Variants in OSTM1 observed in about 807,000 individuals in gnomAD.
OSTM1 encodes osteoclastogenesis associated transmembrane protein 1.
In OSTM1, 26 loss-of-function variants were observed where a neutral mutation model predicts 35.4. The ratio of observed to expected loss-of-function variants is 0.73; its 90% CI spans 0.54 to 1.02. The LOEUF is 1.02. Ranked by LOEUF, OSTM1 falls within the 50% of genes least tolerant of loss-of-function variation. The pLI, the probability that OSTM1 is intolerant of heterozygous loss-of-function variation, is 0.00. For synonymous variants in OSTM1, 181 were observed against 165.0 expected (o/e 1.10, Z -0.75); for missense variants, 366 against 409.6 (o/e 0.89, Z 0.92).
chr6:108,049,685 G>C (rs1772043212), intron 4 of OSTM1: 2 of 483,996 alleles, frequency 4.1e-6, no homozygotes, highest in Non-Finnish European at 6.5e-6. Context: ...TCAACCATTT[G>C]TACATTCAAA....
chr6:108,044,911 GTAATC>G lies in OSTM1; in HGVS notation c.950-76_950-72del, dbSNP rs1239190195. 3.3e-5 allele frequency: 25 copies of G among 751,708 alleles called. No homozygotes were observed. In the African/African-American group the frequency reaches 4.0e-4, roughly 12 times the overall value. The allele number at this position is 751,708 out of a possible 1,614,324, so 46.6% of individuals were successfully genotyped here. On this transcript the variant is annotated intron_variant, in intron 5 of 5. Coordinates refer to ENST00000193322, the MANE Select transcript of OSTM1 (RefSeq NM_014028.4). Reference sequence around the variant, plus strand: ...AAACATGATTATTTACTATTTTTATGTAATCTATAGTATTTATCTATTAATTCTAT... The same window carrying G: ...AAACATGATTATTTACTATTTTTATGTATAGTATTTATCTATTAATTCTAT...
At chr6:108,058,044 C>CTTTTTT (rs761751778) in intron 2 of OSTM1, among the ~76,000 whole-genome samples, 3 of 121,562 alleles carry the variant, frequency 2.5e-5, no homozygotes, top group Admixed American at 1.8e-4. Flanking sequence ...AAGAGTCAAT[C>CTTTTTT]TTTTTTTTTT....
chr6:108,072,239 T>C (rs916623650), intron 1 of OSTM1, among the ~76,000 whole-genome samples: 2 of 152,200 alleles, frequency 1.3e-5, no homozygotes, highest in Admixed American at 6.5e-5. Flanking sequence ...ATGTCTTGGG[T>C]ACTTTATTTT....
rs1026410193 is a variant in OSTM1 at position 108,042,462 on chromosome 6, T to C, written c.*2323A>G. ...ACAAGGTCTGGCTCTGTCGCCCAGG[T>C]TGGAATGCAGTGGTACAATCTTGGC... On this transcript the variant is annotated 3_prime_UTR_variant, in exon 6 of 6. Coordinates refer to ENST00000193322, the MANE Select transcript of OSTM1 (RefSeq NM_014028.4). The C allele has an allele frequency of 2.0e-5, 3 of 148,078 alleles. No individual in the cohort carries two copies. Among genetic ancestry groups the C allele is most frequent in the African/African-American group, 7.5e-5 (3 of 39,768 alleles). 9.2% of individuals were successfully genotyped at this position (148,078 alleles called of 1,614,324 possible). A position where few individuals can be genotyped will look rare whatever the true frequency, so the allele number is the denominator to read the frequency against.
chr6:108,046,911 A>G (rs568823808), intron 5 of OSTM1, among the ~76,000 whole-genome samples: 1 of 152,270 alleles, frequency 6.6e-6, no homozygotes, highest in Non-Finnish European at 1.5e-5. Flanking sequence ...TTAAATACGA[A>G]TGAGTACATA....
chr6:108,074,371 C>T lies in OSTM1; in HGVS notation c.281G>A (p.Ser94Asn). ...CRELLLDFAN[S>N]SAELTGCLVR... Reference sequence around the variant, plus strand: ...CAGACACCCTGTCAGCTCTGCGCTGCTGTTGGCGAAGTCCAGCAGGAGCTC... The same window carrying T: ...CAGACACCCTGTCAGCTCTGCGCTGTTGTTGGCGAAGTCCAGCAGGAGCTC... Residue 94 changes from serine to asparagine, a missense_variant, in exon 1 of 6, where the codon AGC (serine) becomes AAC (asparagine). By Grantham distance (46) the Ser-to-Asn change is conservative (BLOSUM62 1). Coordinates refer to ENST00000193322, the MANE Select transcript of OSTM1 (RefSeq NM_014028.4). 1 of 1,596,538 alleles carries T rather than the reference C, an allele frequency of 6.3e-7. No individual in the cohort carries two copies. Among genetic ancestry groups the T allele is most frequent in the Non-Finnish European group, 8.5e-7 (1 of 1,171,958 alleles).
chr6:108,062,109 T>C (rs190897301), intron 2 of OSTM1, among the ~76,000 whole-genome samples: 1 of 152,228 alleles, frequency 6.6e-6, no homozygotes, highest in East Asian at 1.9e-4. Context: ...CATGATAAAG[T>C]TTAATTTATA....
intron 2 of OSTM1, among the ~76,000 whole-genome samples, chr6:108,058,732 C>G (rs1049204783): frequency 6.6e-6 from 1 of 151,828 alleles, no homozygotes; most frequent in African/African-American, 2.4e-5. Flanking sequence ...GAACTGAGAT[C>G]GCACCACTGC....
chr6:108,047,238 G>A (rs1242275035), intron 5 of OSTM1, among the ~76,000 whole-genome samples: 1 of 152,206 alleles, frequency 6.6e-6, no homozygotes, highest in African/African-American at 2.4e-5. Context: ...TTAGAGCTAA[G>A]ACCTGGCTTG....
chr6:108,054,615 AAT>A, intron 2 of OSTM1, 28 bp from the exon 3 acceptor site: 1 of 1,035,048 alleles, frequency 9.7e-7, no homozygotes, highest in Non-Finnish European at 1.5e-6. Context: ...AAAGTATATT[AAT>A]ATAACTCAAG....
intron 1 of OSTM1, among the ~76,000 whole-genome samples, chr6:108,072,338 G>A (rs1007029750): frequency 6.6e-6 from 1 of 152,018 alleles, no homozygotes; most frequent in East Asian, 1.9e-4. Context: ...TATTTACCTC[G>A]AAAATATGTC....
rs538699679 is a variant in OSTM1 at position 108,053,324 on chromosome 6, C to G, written c.615+1166G>C. Among the ~76,000 whole-genome samples, 5 of 152,192 alleles carry G rather than the reference C, an allele frequency of 3.3e-5. No homozygotes were observed. In the South Asian group the frequency reaches 1.0e-3, roughly 32 times the overall value. On this transcript the variant is annotated intron_variant, in intron 3 of 5. Transcript: ENST00000193322. ...GTAACTGAAACTGTGGAAAGTGAAG[C>G]CATATATAAAAGGGATGACTTTATA...
chr6:108,055,260 T>C (rs1772149788), intron 2 of OSTM1, among the ~76,000 whole-genome samples: 1 of 152,234 alleles, frequency 6.6e-6, no homozygotes, highest in South Asian at 2.1e-4. Context: ...ATTTTCTATG[T>C]ATGTGTATAT....
intron 2 of OSTM1, among the ~76,000 whole-genome samples, chr6:108,061,652 G>A (rs1414390474): frequency 2.0e-5 from 3 of 151,512 alleles, no homozygotes; most frequent in Non-Finnish European, 4.4e-5. Context: ...CAGCCTCCCA[G>A]GCAGCTGGGA....
chr6:108,051,115 A>T lies in OSTM1; in HGVS notation c.699T>A (p.Ser233Arg). ...TCATTTTTTGCATTTCACTGTACAG[A>T]CTACTCAGAGTTTTGTATGCTTCAC... is the stretch of plus-strand genomic sequence containing the variant. Reference protein sequence around the residue: ...NCREAYKTLSSLYSEMQKMNE... With the variant: ...NCREAYKTLSRLYSEMQKMNE... Residue 233 changes from serine to arginine, a missense_variant, in exon 4 of 6, where the codon AGT becomes AGA. Transcript: ENST00000193322. 6.2e-7 allele frequency: 1 copy of T among 1,613,496 alleles called. No homozygotes were observed. Among genetic ancestry groups the T allele is most frequent in the Non-Finnish European group, 8.5e-7 (1 of 1,179,480 alleles).
chr6:108,048,598 C>T (rs1772020936), intron 5 of OSTM1, among the ~76,000 whole-genome samples: 1 of 152,188 alleles, frequency 6.6e-6, no homozygotes, highest in Non-Finnish European at 1.5e-5. Flanking sequence ...TCTACCATGA[C>T]TCCGATGGGT....
At chr6:108,062,296 TATGCTGC>T (rs1772288463) in intron 2 of OSTM1, among the ~76,000 whole-genome samples, 1 of 152,168 alleles carries the variant, frequency 6.6e-6, no homozygotes. Context: ...ACAGTATAGA[TATGCTGC>T]ACAAATGGAT....
At position 108,051,140 on chromosome 6, in the gene OSTM1, C is replaced by T. The variant is rs757085385; in HGVS notation, c.674G>A (p.Arg225His). The part of the protein sequence containing the change: ...KNYSEVCKNC[R>H]EAYKTLSSLY... ...ACTACTCAGAGTTTTGTATGCTTCA[C>T]GGCAGTTTTTGCATACTTCTGAATA... Residue 225 changes from arginine to histidine, a missense_variant, in exon 4 of 6, where the codon CGT becomes CAT. Physicochemically the swap from Arg to His is conservative, Grantham distance 29 (BLOSUM62 0). Coordinates refer to ENST00000193322, the MANE Select transcript of OSTM1 (RefSeq NM_014028.4). 5.8e-5 allele frequency: 94 copies of T among 1,613,168 alleles called. 1 individual carries two copies. The highest frequency in any genetic ancestry group is 6.7e-5 in the Non-Finnish European group (79 of 1,179,384).
At chr6:108,055,507 C>T (rs116469261) in intron 2 of OSTM1, among the ~76,000 whole-genome samples, 226 of 152,270 alleles carry the variant, frequency 1.5e-3, no homozygotes, top group African/African-American at 5.3e-3. Flanking sequence ...TCTTTATCCT[C>T]AGGTAAACCT....
Sources: allele counts gnomAD v4.1 joint callset (sites outside exome capture counted in the v4.1 genomes callset), GRCh38; gene constraint gnomAD v4.1.1; transcripts MANE v1.5; gene names NCBI Gene and HGNC (gene_info 2026-07-23, HGNC 2026-07-21).